Variants in SPEG observed in about 807,000 individuals in gnomAD.
SPEG encodes the protein striated muscle preferentially expressed protein kinase.
A neutral mutation model predicts 300.4 loss-of-function variants in SPEG; 114 were observed. That is an observed-to-expected ratio of 0.38 (90% CI 0.33 to 0.44). SPEG has a LOEUF of 0.44. SPEG is among the 20% of genes least tolerant of loss of function. The probability of loss-of-function intolerance (pLI) is 1.00; values close to 1 mark genes in which losing one functional copy is unlikely to be tolerated. For synonymous variants in SPEG, 1,964 were observed against 2,018.9 expected, an observed-to-expected ratio of 0.97 and a Z score of 0.73; for missense variants, 4,201 against 4,586.2, an observed-to-expected ratio of 0.92 and a Z score of 2.43.
Position 219,482,825 on chromosome 2 carries a change from G to A in SPEG, c.5607G>A (p.Lys1869=). ...KGAEVSTDHL[K]LFLSRRRWQR... ...CAGAGGTGAGCACGGATCACCTGAA[G>A]CTATTCCTCTCCCGGCGGAGGTGGC... Residue 1869 remains lysine (K), a synonymous_variant, in exon 29 of 41, where the codon AAG becomes AAA. Transcript: ENST00000312358. 4 of 1,613,934 alleles carry A rather than the reference G, an allele frequency of 2.5e-6. No homozygotes were observed. Among genetic ancestry groups the A allele is most frequent in the Non-Finnish European group, 3.4e-6 (4 of 1,179,974 alleles).
rs373797506 is a variant in SPEG at position 219,482,787 on chromosome 2, C to G, written c.5569C>G (p.Gln1857Glu). 2.5e-6 allele frequency: 4 copies of G among 1,613,634 alleles called. No homozygotes were observed. The highest frequency in any genetic ancestry group is 1.3e-5 in the African/African-American group (1 of 74,922). ...ETLEHPWFKTQAKGAEVSTDH... is the reference protein window; with the variant it reads ...ETLEHPWFKTEAKGAEVSTDH... ...GCCCTCTTTCCTGGGTTTGCAGACT[C>G]AGGCAAAGGGCGCAGAGGTGAGCAC... The change falls in exon 29 of 41, where the codon CAG (glutamine) becomes GAG (glutamate). Residue 1857 changes from glutamine to glutamate, a missense_variant. By Grantham distance (29) the Gln-to-Glu change is conservative. Around this residue, in one of 4 missense-constraint regions of SPEG, gnomAD observed 1,047 missense variants for 1,356.8 expected, o/e 0.77. Transcript: ENST00000312358.
In SPEG at chr2:219,479,010, G is replaced by C. The variant is rs1476219584; in HGVS notation, c.5028-134G>C. On this transcript the variant is annotated intron_variant, in intron 22 of 40. Transcript: ENST00000312358. This position sits in a 1 kb window ranked among gnomAD's most constrained non-coding sequence, Gnocchi z 5.5. ...GAGGGGGTACACGTGGAGGAGCGGA[G>C]AGGCAGTCTCTGGCTAGTATCAAGC... 8 of 740,768 alleles carry C rather than the reference G, an allele frequency of 1.1e-5. No individual in the cohort carries two copies. Among genetic ancestry groups the C allele is most frequent in the Admixed American group, 2.0e-5 (1 of 48,866 alleles). 45.9% of individuals were successfully genotyped at this position (740,768 alleles called of 1,614,324 possible). A position where few individuals can be genotyped will look rare whatever the true frequency, so the allele number is the denominator to read the frequency against.
intron 36 of SPEG, 23 bp downstream of exon 36, chr2:219,489,962 A>G (rs1559434394): frequency 6.5e-7 from 1 of 1,536,480 alleles, no homozygotes; most frequent in Non-Finnish European, 8.8e-7. Context: ...GGGGAAGGGA[A>G]GAGGACAGAG....
rs1285835671 is a variant in SPEG, at chr2:219,480,952, T to C, written c.5369+255T>C. Among the ~76,000 whole-genome samples the C allele has an allele frequency of 6.6e-6, 1 of 151,936 alleles. No individual in the cohort carries two copies. The highest frequency in any genetic ancestry group is 1.9e-4 in the East Asian group (1 of 5,180). On this transcript the variant is annotated intron_variant, in intron 26 of 40. Transcript: ENST00000312358. The surrounding 1 kb of genome is among the most constrained non-coding windows in gnomAD (Gnocchi z 5.3). ...CAGGGCCATGGAGGCAGGGAACTCC[T>C]TGGCTCTGAGTGTCCAAAACTTGGA...
chr2:219,450,823 G>A (rs548139331), intron 4 of SPEG: 5 of 216,454 alleles, frequency 2.3e-5, no homozygotes, highest in South Asian at 1.7e-4. Context: ...GATGGCTGAC[G>A]TGTTAAAGAC....
chr2:219,450,074 A>T (rs1224933526), intron 4 of SPEG, among the ~76,000 whole-genome samples: 1 of 152,174 alleles, frequency 6.6e-6, no homozygotes, highest in Non-Finnish European at 1.5e-5. Context: ...AGACCCTGCC[A>T]GGATCTCTTT....
intron 6 of SPEG, among the ~76,000 whole-genome samples, chr2:219,454,787 G>A (rs1175174502): frequency 6.6e-6 from 1 of 152,134 alleles, no homozygotes; most frequent in Non-Finnish European, 1.5e-5. Flanking sequence ...CTTAGTGTGG[G>A]GTGCAAATAA....
chr2:219,449,362 C>G, intron 4 of SPEG, 91 bp downstream of exon 4: 1 of 1,083,690 alleles, frequency 9.2e-7, no homozygotes, highest in Non-Finnish European at 1.2e-6. Flanking sequence ...GCCGGGGGGT[C>G]GGGGGTTTCG....
chr2:219,451,517 T>C lies in SPEG; in HGVS notation c.2258-108T>C. The C allele has an allele frequency of 8.2e-7, 1 of 1,214,822 alleles. No individual in the cohort carries two copies. The highest frequency in any genetic ancestry group is 1.1e-6 in the Non-Finnish European group (1 of 910,278). The allele number at this position is 1,214,822 out of a possible 1,614,324, so 75.3% of individuals were successfully genotyped here. ...GCGGACTCTTCCAGATTCCCTGGGG[T>C]GCTGAGAGGAGAGGTTTGGTCTCCT... is the stretch of plus-strand genomic sequence containing the variant. On this transcript the variant is annotated intron_variant, in intron 5 of 40. Transcript: ENST00000312358. This position sits in a 1 kb window ranked among gnomAD's most constrained non-coding sequence, Gnocchi z 6.4.
intron 8 of SPEG, among the ~76,000 whole-genome samples, chr2:219,463,500 G>A (rs1690948211): frequency 7.9e-6 from 1 of 127,236 alleles, no homozygotes; most frequent in Non-Finnish European, 1.6e-5. Context: ...TGCAACCTCC[G>A]CCTCCTGGGT....
At chr2:219,475,821 C>T (rs1575143106) in intron 18 of SPEG, among the ~76,000 whole-genome samples, 1 of 152,204 alleles carries the variant, frequency 6.6e-6, no homozygotes, top group African/African-American at 2.4e-5. Flanking sequence ...TAGACCCCAC[C>T]CAGCCACACC....
At position 219,479,171 on chromosome 2, in the gene SPEG, C is replaced by A. The variant is rs151167400; in HGVS notation, c.5055C>A (p.Ile1685=). Residue 1685 remains isoleucine (I), a synonymous_variant, in exon 23 of 41, where the codon ATC becomes ATA. Coordinates refer to ENST00000312358, the MANE Select transcript of SPEG (RefSeq NM_005876.5). The surrounding 1 kb of genome is among the most constrained non-coding windows in gnomAD (Gnocchi z 5.5). ...GCACAGAGGAGCTGCTGGAGCGAATCGCCAGGAAACCCACCGTGTGTGAGT... is the reference window on the plus strand; with the variant it reads ...GCACAGAGGAGCTGCTGGAGCGAATAGCCAGGAAACCCACCGTGTGTGAGT... The part of the protein sequence containing the change: ...ELCTEELLER[I]ARKPTVCESE... 6.8e-6 allele frequency: 11 copies of A among 1,613,626 alleles called. No individual in the cohort carries two copies. The highest frequency in any genetic ancestry group is 4.4e-5 in the South Asian group (4 of 91,074).
intron 11 of SPEG, 51 bp downstream of exon 11, chr2:219,468,787 G>A (rs1337337512): frequency 1.9e-6 from 3 of 1,609,580 alleles, no homozygotes; most frequent in Non-Finnish European, 1.7e-6. Context: ...GGCCCAGGCG[G>A]CGATGGGGTG....
At chr2:219,461,386 C>T (rs1248330109) in intron 6 of SPEG, 14 of 999,238 alleles carry the variant, frequency 1.4e-5, no homozygotes, top group Middle Eastern at 5.0e-4. Flanking sequence ...GGCCCTGGAC[C>T]GAGGTCGGGA....
In SPEG at chr2:219,471,939, G is replaced by A. The variant is rs1691912385; in HGVS notation, c.3787G>A (p.Ala1263Thr). ...CGCCGGTGTCTACAAGAGCGTCATT[G>A]CCAACAAGCTGGGCAAAGCTGCCTG... ...QHAGVYKSVIANKLGKAACYA... is the reference protein window; with the variant it reads ...QHAGVYKSVITNKLGKAACYA... Residue 1263 changes from alanine to threonine, a missense_variant, in exon 14 of 41, where the codon GCC becomes ACC. Coordinates refer to ENST00000312358, the MANE Select transcript of SPEG (RefSeq NM_005876.5). The A allele has an allele frequency of 1.9e-6, 3 of 1,613,756 alleles. No individual in the cohort carries two copies. The highest frequency in any genetic ancestry group is 1.7e-5 in the Admixed American group (1 of 59,996).
chr2:219,488,369 G>A, intron 32 of SPEG, 59 bp downstream of exon 32: 1 of 1,514,674 alleles, frequency 6.6e-7, no homozygotes, highest in South Asian at 1.2e-5. Context: ...GAGCCCAGGG[G>A]ATGGGAGGGG....
rs1231745123 is a variant in SPEG at position 219,448,805 on chromosome 2, C to A, written c.1647C>A (p.Ser549Arg). The A allele has an allele frequency of 2.9e-6, 4 of 1,403,078 alleles. No individual in the cohort carries two copies. Among genetic ancestry groups the A allele is most frequent in the Middle Eastern group, 2.5e-4 (1 of 3,930 alleles). 86.9% of individuals were successfully genotyped at this position (1,403,078 alleles called of 1,614,324 possible). ...CCCCCAAGACATCGCGGGCCGTGAGCCCCGCCGCCGCCCAGCCGCCCTCTC... is the reference window on the plus strand; with the variant it reads ...CCCCCAAGACATCGCGGGCCGTGAGACCCGCCGCCGCCCAGCCGCCCTCTC... ...PSTPKTSRAV[S>R]PAAAQPPSPS... Residue 549 changes from serine to arginine, a missense_variant, in exon 4 of 41, where the codon AGC becomes AGA. Physicochemically the swap from Ser to Arg is moderately radical, Grantham distance 110. Around this residue, in one of 4 missense-constraint regions of SPEG, gnomAD observed 1,258 missense variants for 1,293.9 expected, o/e 0.97. Transcript: ENST00000312358.
chr2:219,447,881 C>A, intron 3 of SPEG, 93 bp from the exon 4 acceptor site: 2 of 1,227,432 alleles, frequency 1.6e-6, no homozygotes, highest in Non-Finnish European at 1.2e-6. Context: ...CAAGCCTGCC[C>A]AGCATGCCCA....
chr2:219,468,788 C>T (rs370192305), intron 11 of SPEG, 52 bp downstream of exon 11: 17 of 1,609,040 alleles, frequency 1.1e-5, no homozygotes, highest in African/African-American at 1.3e-5. Context: ...GCCCAGGCGG[C>T]GATGGGGTGC....
Sources: gnomAD v4.1 joint callset for allele counts (sites outside exome capture counted in the v4.1 genomes callset) on GRCh38, gnomAD v4.1.1 for gene constraint, gnomAD v4.1.1 regional missense constraint, Gnocchi (gnomAD v3.1) non-coding constraint, MANE v1.5 for transcripts, NCBI Gene and HGNC (gene_info 2026-07-23, HGNC 2026-07-21) for gene names.